MACROD2: variants seen among roughly 807,000 people sequenced by gnomAD.
MACROD2 encodes ADP-ribose glycohydrolase MACROD2.
Under a neutral mutation model 70.4 loss-of-function variants are expected in MACROD2, and 36 were observed. The observed-to-expected ratio is 0.51, with a 90% CI of 0.39 to 0.68. The LOEUF (loss-of-function observed/expected upper bound fraction) is 0.68. MACROD2 is among the 30% of genes least tolerant of loss of function. The pLI, the probability that MACROD2 is intolerant of heterozygous loss-of-function variation, is 0.00. For synonymous variants in MACROD2, 172 were observed against 178.8 expected (o/e 0.96, Z 0.30); for missense variants, 496 against 538.4 (o/e 0.92, Z 0.78).
intron 5 of MACROD2, among the ~76,000 whole-genome samples, chr20:14,784,083 C>T (rs1031681361): frequency 6.6e-6 from 1 of 151,866 alleles, no homozygotes; most frequent in African/African-American, 2.4e-5. Context: ...CCTGAAACAT[C>T]ATCTACACTG....
chr20:15,278,721 C>T (rs571486723), intron 6 of MACROD2, among the ~76,000 whole-genome samples: 20 of 152,280 alleles, frequency 1.3e-4, no homozygotes, highest in African/African-American at 3.6e-4. Flanking sequence ...GCTTACTCTC[C>T]GTACCAAGTC....
At chr20:15,400,736 C>G (rs2045917372) in intron 6 of MACROD2, among the ~76,000 whole-genome samples, 2 of 152,112 alleles carry the variant, frequency 1.3e-5, no homozygotes, top group East Asian at 3.9e-4. Context: ...CTATTCCATT[C>G]CCAATAAATG....
At chr20:15,867,548 T>C (rs2064510886) in intron 9 of MACROD2, among the ~76,000 whole-genome samples, 1 of 152,188 alleles carries the variant, frequency 6.6e-6, no homozygotes, top group Non-Finnish European at 1.5e-5. Context: ...TTTGTATGAT[T>C]CAACTCAGAA....
At chr20:15,441,511 G>A (rs2046494512) in intron 7 of MACROD2, among the ~76,000 whole-genome samples, 1 of 152,084 alleles carries the variant, frequency 6.6e-6, no homozygotes, top group Non-Finnish European at 1.5e-5. Context: ...TGTTCCAGAT[G>A]AACAATTTTG....
At chr20:15,687,837 C>T (rs961817465) in intron 8 of MACROD2, among the ~76,000 whole-genome samples, 1 of 152,160 alleles carries the variant, frequency 6.6e-6, no homozygotes, top group African/African-American at 2.4e-5. Context: ...TACTAAACTC[C>T]TGAGCTCTCT....
chr20:15,507,540 C>T (rs773294393), intron 8 of MACROD2, among the ~76,000 whole-genome samples: 1 of 150,538 alleles, frequency 6.6e-6, no homozygotes, highest in Non-Finnish European at 1.5e-5. Flanking sequence ...TTCTTCCCCC[C>T]ACCAGCCCGC....
intron 2 of MACROD2, among the ~76,000 whole-genome samples, chr20:14,061,879 T>C (rs754648940): frequency 5.9e-5 from 9 of 152,160 alleles, no homozygotes; most frequent in Admixed American, 2.0e-4. Flanking sequence ...AGTGAACTTA[T>C]ATATAAAATA....
chr20:14,493,857 A>G (rs1396754935), intron 4 of MACROD2: 1 of 156,014 alleles, frequency 6.4e-6, no homozygotes, highest in East Asian at 1.8e-4. Flanking sequence ...TATGAATTCT[A>G]AAACAACAGA....
chr20:15,364,080 C>T (rs62203483), intron 6 of MACROD2, among the ~76,000 whole-genome samples: 12 of 152,058 alleles, frequency 7.9e-5, no homozygotes, highest in African/African-American at 2.9e-4. Context: ...AGATGTGAGC[C>T]TGACTTTATG....
rs754754555 is a variant in MACROD2, at chr20:14,629,036, G to A, written c.302-55807G>A. Reference sequence around the variant, plus strand: ...CTTTGACAAAAATAGTGCTAAAAAAGCCTTCCTAATATGCCATATGCATCA... The same window carrying A: ...CTTTGACAAAAATAGTGCTAAAAAAACCTTCCTAATATGCCATATGCATCA... On this transcript the variant is annotated intron_variant, in intron 4 of 17. Coordinates refer to ENST00000684519, the MANE Select transcript of MACROD2 (RefSeq NM_001351661.2). 2.5e-4 allele frequency: 38 copies of A among 152,214 alleles called. 1 individual carries two copies. Among genetic ancestry groups the A allele is most frequent in the Middle Eastern group, 3.4e-3 (1 of 294 alleles). The allele number at this position is 152,214 out of a possible 1,614,324, so 9.4% of individuals were successfully genotyped here.
intron 8 of MACROD2, among the ~76,000 whole-genome samples, chr20:15,782,778 T>C (rs1465190599): frequency 6.6e-6 from 1 of 150,608 alleles, no homozygotes; most frequent in Non-Finnish European, 1.5e-5. Context: ...ATACCAGTTA[T>C]TTAAATTGTC....
chr20:14,454,729 C>T (rs2084280732), intron 3 of MACROD2, among the ~76,000 whole-genome samples: 1 of 148,810 alleles, frequency 6.7e-6, no homozygotes, highest in African/African-American at 2.5e-5. Context: ...AATGGAGTTT[C>T]CTTTTTCTGT....
rs150574606 is a variant in MACROD2 at position 15,544,841 on chromosome 20, G to A, written c.645+44994G>A. ...AAAATATATCTTGCTTTTACCCTCTGACTTCTAGCCCTTCAGTTCCTTGGG... is the reference window on the plus strand; with the variant it reads ...AAAATATATCTTGCTTTTACCCTCTAACTTCTAGCCCTTCAGTTCCTTGGG... On this transcript the variant is annotated intron_variant, in intron 8 of 17. Transcript: ENST00000684519. 1.7e-3 allele frequency among the ~76,000 whole-genome samples: 253 copies of A among 152,278 alleles called. 1 individual carries two copies. The highest frequency in any genetic ancestry group is 5.6e-3 in the African/African-American group (234 of 41,538).
intron 5 of MACROD2, among the ~76,000 whole-genome samples, chr20:14,825,641 A>G (rs2072893120): frequency 6.6e-6 from 1 of 152,114 alleles, no homozygotes; most frequent in Non-Finnish European, 1.5e-5. Context: ...GGGAGAAGTT[A>G]GTTACTTATC....
At chr20:15,526,599 A>G (rs962487354) in intron 8 of MACROD2, among the ~76,000 whole-genome samples, 1 of 152,206 alleles carries the variant, frequency 6.6e-6, no homozygotes, top group African/African-American at 2.4e-5. Context: ...TTCTGATTTG[A>G]CTTTTTACTG....
intron 5 of MACROD2, among the ~76,000 whole-genome samples, chr20:14,726,489 C>T (rs1409599271): frequency 2.6e-5 from 4 of 152,206 alleles, no homozygotes; most frequent in East Asian, 1.9e-4. Context: ...GAGCAAGTGT[C>T]GATACTGAGA....
intron 3 of MACROD2, among the ~76,000 whole-genome samples, chr20:14,277,273 C>T (rs1468588801): frequency 1.3e-5 from 2 of 152,058 alleles, no homozygotes; most frequent in East Asian, 1.9e-4. Flanking sequence ...CATGGTGAAA[C>T]CCCGTCTCTA....
intron 4 of MACROD2, among the ~76,000 whole-genome samples, chr20:14,595,387 A>C (rs1304217549): frequency 6.6e-6 from 1 of 152,178 alleles, no homozygotes; most frequent in Non-Finnish European, 1.5e-5. Flanking sequence ...TAGGAAGAAG[A>C]GGGGCCAGCC....
intron 6 of MACROD2, among the ~76,000 whole-genome samples, chr20:15,315,679 A>G (rs796762456): frequency 2.0e-5 from 3 of 152,292 alleles, no homozygotes; most frequent in African/African-American, 4.8e-5. Flanking sequence ...GACCTGCCCT[A>G]TAGGAAATGT....
Sources: gnomAD v4.1 joint callset for allele counts (sites outside exome capture counted in the v4.1 genomes callset) on GRCh38, gnomAD v4.1.1 for gene constraint, MANE v1.5 for transcripts, NCBI Gene and HGNC (gene_info 2026-07-23, HGNC 2026-07-21) for gene names.